CFAP54: variants seen among roughly 807,000 people sequenced by gnomAD.
CFAP54 encodes cilia- and flagella-associated protein 54.
Under a neutral mutation model 370.4 loss-of-function variants are expected in CFAP54, and 290 were observed. That is an observed-to-expected ratio of 0.78 (90% confidence interval 0.71 to 0.86). The LOEUF is 0.86. CFAP54 is among the 40% of genes least tolerant of loss of function. The pLI, the probability that CFAP54 is intolerant of heterozygous loss-of-function variation, is 0.00. For missense variants in CFAP54, 3,399 were observed against 3,528.7 expected (o/e 0.96, Z 0.93); for synonymous variants, 1,206 against 1,236.5 (o/e 0.98, Z 0.52).
intron 12 of CFAP54, 92 bp downstream of exon 12, chr12:96,535,692 G>T: frequency 1.3e-6 from 1 of 749,042 alleles, no homozygotes; most frequent in Admixed American, 2.9e-5. Flanking sequence ...CAGGAATTAC[G>T]CCTTGCTAAA....
rs573914885 is a variant in CFAP54, at chr12:96,620,117, G to A, written c.3640-1473G>A. Among the ~76,000 whole-genome samples, 10 of 152,266 alleles carry A rather than the reference G, an allele frequency of 6.6e-5. No individual in the cohort carries two copies. The East Asian group carries it at 1.5e-3, about 23-fold the overall frequency. On this transcript the variant is annotated intron_variant, in intron 26 of 67. Transcript: ENST00000524981. ...GCCTTTGCCCTGGTCCCAAAGATAC[G>A]TGTTCCAGTTCTTAGCATTAGATAG...
At chr12:96,665,001 G>T (rs1957062307) in intron 39 of CFAP54, among the ~76,000 whole-genome samples, 2 of 151,142 alleles carry the variant, frequency 1.3e-5, no homozygotes, top group African/African-American at 2.4e-5. Flanking sequence ...CTTTTTACTA[G>T]CAGACATTCT....
chr12:96,853,750 T>C (rs1459129344), intron 66 of CFAP54, among the ~76,000 whole-genome samples: 1 of 152,126 alleles, frequency 6.6e-6, no homozygotes, highest in Non-Finnish European at 1.5e-5. Context: ...GGGTAGTTTG[T>C]GTTCTCCTGA....
chr12:96,731,950 T>A (rs7956674), intron 50 of CFAP54, among the ~76,000 whole-genome samples: 53,075 of 151,814 alleles, frequency 0.35, 9,926 homozygotes, highest in East Asian at 0.58. Flanking sequence ...AAAGAAGAAC[T>A]TTAAAACAGT....
intron 64 of CFAP54, among the ~76,000 whole-genome samples, chr12:96,814,099 G>A (rs1216505489): frequency 6.6e-6 from 1 of 152,278 alleles, no homozygotes; most frequent in African/African-American, 2.4e-5. Context: ...GCCAGCACAG[G>A]CAGTGAAGTT....
intron 19 of CFAP54, among the ~76,000 whole-genome samples, chr12:96,575,616 A>G (rs1955966800): frequency 6.6e-6 from 1 of 152,098 alleles, no homozygotes; most frequent in Non-Finnish European, 1.5e-5. Flanking sequence ...AGCATTTTAA[A>G]TGCATCATTG....
chr12:96,617,296 G>C (rs1373865812), intron 26 of CFAP54, among the ~76,000 whole-genome samples: 2 of 152,140 alleles, frequency 1.3e-5, no homozygotes, highest in Non-Finnish European at 2.9e-5. Context: ...TGTATGTAAA[G>C]ACAAAGAAGT....
chr12:96,519,026 T>A lies in CFAP54; in HGVS notation c.897T>A (p.Ala299=). 2 of 1,535,912 alleles carry A rather than the reference T, an allele frequency of 1.3e-6. No individual in the cohort carries two copies. Among genetic ancestry groups the A allele is most frequent in the Non-Finnish European group, 1.7e-6 (2 of 1,146,790 alleles). The change falls in exon 6 of 68, where the codon GCT becomes GCA. Residue 299 remains alanine, a synonymous_variant. Transcript: ENST00000524981. ...CATGGCGCGCTACTCTCTACACAGC[T>A]GTTTGCCAGTGCTGCTATGACTGCC... The part of the protein sequence containing the change: ...YLTWRATLYT[A]VCQCCYDCHA...
intron 9 of CFAP54, among the ~76,000 whole-genome samples, chr12:96,528,120 A>G (rs1476052149): frequency 6.6e-6 from 1 of 152,088 alleles, no homozygotes; most frequent in African/African-American, 2.4e-5. Flanking sequence ...TTTTTTCCTC[A>G]GTTGGAAAGC....
intron 66 of CFAP54, among the ~76,000 whole-genome samples, chr12:96,855,910 A>G (rs1959692626): frequency 6.6e-6 from 1 of 152,168 alleles, no homozygotes; most frequent in Admixed American, 6.5e-5. Context: ...GCCCTAGCAG[A>G]GGTTCTCCGT....
chr12:96,851,167 G>A lies in CFAP54; in HGVS notation c.9172-9652G>A, dbSNP rs185734585. ...GAAGGTATAACTCTGACTTTCTAAA[G>A]CACATTCACGTTCACTTAATATTTA... is the stretch of plus-strand genomic sequence containing the variant. On this transcript the variant is annotated intron_variant, in intron 66 of 67. Transcript: ENST00000524981. 1.5e-3 allele frequency among the ~76,000 whole-genome samples: 225 copies of A among 152,126 alleles called. 1 individual carries two copies. Among genetic ancestry groups the A allele is most frequent in the African/African-American group, 5.1e-3 (211 of 41,494 alleles).
chr12:96,809,350 T>C (rs1163341545), intron 63 of CFAP54, among the ~76,000 whole-genome samples: 3 of 152,210 alleles, frequency 2.0e-5, no homozygotes, highest in Admixed American at 6.5e-5. Context: ...CTCATTTTTT[T>C]CCCTATTATC....
At chr12:96,559,447 A>T (rs1318941014) in intron 17 of CFAP54, among the ~76,000 whole-genome samples, 1 of 152,080 alleles carries the variant, frequency 6.6e-6, no homozygotes, top group Non-Finnish European at 1.5e-5. Flanking sequence ...GTTCCCTCCA[A>T]CTTTTTATTT....
At chr12:96,831,588 G>T (rs1313030115) in intron 66 of CFAP54, among the ~76,000 whole-genome samples, 1 of 152,168 alleles carries the variant, frequency 6.6e-6, no homozygotes, top group Non-Finnish European at 1.5e-5. Context: ...AGGGAATGGG[G>T]TCACAGCTTA....
chr12:96,516,258 A>G (rs572085657), intron 5 of CFAP54, among the ~76,000 whole-genome samples: 1 of 152,196 alleles, frequency 6.6e-6, no homozygotes, highest in African/African-American at 2.4e-5. Context: ...TGAGGCTGGG[A>G]AAAGTTACTT....
chr12:96,554,604 T>G, intron 16 of CFAP54, 72 bp from the exon 17 acceptor site: 1 of 1,348,884 alleles, frequency 7.4e-7, no homozygotes, highest in Non-Finnish European at 9.9e-7. Context: ...ACTTGAGTGA[T>G]AATAGTATAC....
At chr12:96,548,015 G>T in intron 15 of CFAP54, 37 bp downstream of exon 15, 3 of 894,352 alleles carry the variant, frequency 3.4e-6, no homozygotes, top group South Asian at 1.8e-5. Context: ...GGTGAAACAT[G>T]CAATTTTATT....
chr12:96,668,509 T>C lies in CFAP54; in HGVS notation c.5563+4577T>C, dbSNP rs544508309. Among the ~76,000 whole-genome samples the C allele has an allele frequency of 1.1e-4, 17 of 152,252 alleles. No homozygotes were observed. The East Asian group carries it at 3.1e-3, about 28-fold the overall frequency. On this transcript the variant is annotated intron_variant, in intron 39 of 67. Coordinates refer to ENST00000524981, the MANE Select transcript of CFAP54 (RefSeq NM_001306084.2). ...CTCCCATTTATAAAACCATCAGATC[T>C]CATGAGACTTATTCATTATCATGAG...
intron 4 of CFAP54, among the ~76,000 whole-genome samples, chr12:96,508,492 G>A (rs1393309020): frequency 6.6e-6 from 1 of 151,532 alleles, no homozygotes; most frequent in Non-Finnish European, 1.5e-5. Context: ...TACCATGGTA[G>A]CCAGGCTGGT....
Sources: gnomAD v4.1 joint callset for allele counts (sites outside exome capture counted in the v4.1 genomes callset) on GRCh38, gnomAD v4.1.1 for gene constraint, MANE v1.5 for transcripts, NCBI Gene and HGNC (gene_info 2026-07-23, HGNC 2026-07-21) for gene names.